The following DNAH17 variants were observed in gnomAD, a reference collection of about 807,000 sequenced individuals.
The protein encoded by DNAH17 is axonemal beta dynein heavy chain 17.
Under a neutral mutation model 485.6 loss-of-function variants are expected in DNAH17, and 376 were observed. The ratio of observed to expected loss-of-function variants is 0.77; its 90% CI spans 0.71 to 0.84. The LOEUF (loss-of-function observed/expected upper bound fraction) is 0.84. DNAH17 is among the 40% of genes least tolerant of loss of function. The pLI, the probability that DNAH17 is intolerant of heterozygous loss-of-function variation, is 0.00. For missense variants in DNAH17, 6,370 were observed against 5,839.3 expected (o/e 1.09, Z -2.96); for synonymous variants, 3,031 against 2,405.9 (o/e 1.26, Z -7.60).
chr17:78,458,803 G>T, intron 61 of DNAH17, 123 bp from the exon 62 acceptor site: 1 of 1,063,588 alleles, frequency 9.4e-7, no homozygotes, highest in Non-Finnish European at 1.4e-6. Flanking sequence ...AAGGCTGAGA[G>T]CCCTCTGGAG....
intron 62 of DNAH17, among the ~76,000 whole-genome samples, chr17:78,457,235 G>T (rs1454409116): frequency 6.6e-6 from 1 of 152,170 alleles, no homozygotes; most frequent in African/African-American, 2.4e-5. Context: ...GCCGGGTGTG[G>T]TGGCACGCAT....
In DNAH17 at chr17:78,479,594, C is replaced by T. The variant is rs764629326; in HGVS notation, c.7791G>A (p.Gln2597=). The change falls in exon 50 of 81, where the codon CAG becomes CAA. Residue 2597 remains glutamine (Q), a synonymous_variant. Transcript: ENST00000389840. The stretch of plus-strand genomic sequence containing the variant: ...TGTTGTAGATGGTGGTGAGGGCCTC[C>T]TGGCCGGGGAAGCTCACAGCAAACA... ...FCVFAVSFPG[Q]EALTTIYNTI... The T allele has an allele frequency of 1.9e-6, 3 of 1,613,484 alleles. No individual in the cohort carries two copies. Among genetic ancestry groups the T allele is most frequent in the Non-Finnish European group, 2.5e-6 (3 of 1,179,828 alleles).
In DNAH17 at chr17:78,529,529, G is replaced by T. The variant is rs760528268; in HGVS notation, c.3450C>A (p.Ile1150=). The T allele has an allele frequency of 1.2e-6, 2 of 1,613,914 alleles. No individual in the cohort carries two copies. Among genetic ancestry groups the T allele is most frequent in the Non-Finnish European group, 1.7e-6 (2 of 1,179,866 alleles). ...CCTCCCCGTAGGTCTTGAGCAGCTC[G>T]ATGGTTTGCTTCAGGGGCTCAAACA... is the stretch of plus-strand genomic sequence containing the variant. ...DNMFEPLKQT[I]ELLKTYGEEM... Residue 1150 remains isoleucine, a synonymous_variant, in exon 22 of 81, where the codon ATC becomes ATA. Coordinates refer to ENST00000389840, the MANE Select transcript of DNAH17 (RefSeq NM_173628.4).
In DNAH17 at chr17:78,439,235, A is replaced by G. The variant is rs1332523487; in HGVS notation, c.11678-18T>C. The G allele has an allele frequency of 1.9e-6, 3 of 1,595,992 alleles. No individual in the cohort carries two copies. In the East Asian group the frequency reaches 6.7e-5, roughly 36 times the overall value. On this transcript the variant is annotated intron_variant, in intron 72 of 80. Transcript: ENST00000389840. ...TTTTTTTCCTAAAGAAAAGAAAAACAGGAAAAAAACACCACGTAATTAAAT... is the reference window on the plus strand; with the variant it reads ...TTTTTTTCCTAAAGAAAAGAAAAACGGGAAAAAAACACCACGTAATTAAAT...
rs1235855844 is a variant in DNAH17 at position 78,571,400 on chromosome 17, C to T, written c.733-22G>A. The T allele has an allele frequency of 2.5e-6, 4 of 1,590,452 alleles. No homozygotes were observed. The South Asian group carries it at 3.3e-5, about 13-fold the overall frequency. The stretch of plus-strand genomic sequence containing the variant: ...TTAGCTGAGAAGGGGAGTGAAGATC[C>T]ACCTTTCATTGACCTGGAAGACCCT... On this transcript the variant is annotated intron_variant, in intron 4 of 80. Coordinates refer to ENST00000389840, the MANE Select transcript of DNAH17 (RefSeq NM_173628.4).
intron 25 of DNAH17, among the ~76,000 whole-genome samples, chr17:78,524,648 T>C (rs1356911418): frequency 6.6e-6 from 1 of 152,072 alleles, no homozygotes; most frequent in Non-Finnish European, 1.5e-5. Context: ...GTTTATGGGA[T>C]TTTGTTAGAG....
chr17:78,432,943 A>G (rs2086733505), intron 75 of DNAH17, among the ~76,000 whole-genome samples: 1 of 102,124 alleles, frequency 9.8e-6, no homozygotes, highest in Non-Finnish European at 1.8e-5. Context: ...GTTTCTCACC[A>G]TGTCACATCC....
rs372817791 is a variant in DNAH17, at chr17:78,480,751, T to C, written c.7685A>G (p.His2562Arg). 3.7e-6 allele frequency: 6 copies of C among 1,613,618 alleles called. No homozygotes were observed. Among genetic ancestry groups the C allele is most frequent in the African/African-American group, 2.7e-5 (2 of 74,888 alleles). ...CATGCAGGCCACGTACTGACAATTA[T>C]GGATATCTTTTAACGTCAGCTTATG... is the stretch of plus-strand genomic sequence containing the variant. ...DRHKLTLKDI[H>R]NCQYVACMNP... is the part of the protein sequence containing the mutation. The change falls in exon 49 of 81, where the codon CAT becomes CGT. Residue 2562 changes from histidine (H) to arginine (R), a missense_variant. Transcript: ENST00000389840.
chr17:78,548,202 C>CTTTTTTTTTTTTTTTTTTT lies in DNAH17; in HGVS notation c.2391+3314_2391+3332dup, dbSNP rs34701814. Among the ~76,000 whole-genome samples, 11 of 80,120 alleles carry CTTTTTTTTTTTTTTTTTTT rather than the reference C, an allele frequency of 1.4e-4. 2 individuals carry two copies. Among genetic ancestry groups the CTTTTTTTTTTTTTTTTTTT allele is most frequent in the African/African-American group, 5.3e-4 (10 of 18,720 alleles). The allele number at this position is 80,120 out of a possible 152,430, so 52.6% of individuals were successfully genotyped here. ...GTTGTTATTTCGTAGATGTCATGGC[C>CTTTTTTTTTTTTTTTTTTT]TTTTTTTTTTTTTTTTTTTGGAGAC... is the stretch of plus-strand genomic sequence containing the variant. On this transcript the variant is annotated intron_variant, in intron 16 of 80. Transcript: ENST00000389840.
chr17:78,424,440 T>G (rs540935348), intron 80 of DNAH17: 2 of 386,948 alleles, frequency 5.2e-6, no homozygotes, highest in African/African-American at 4.0e-5. Flanking sequence ...AGCCTTAATG[T>G]CAGTGGCAGG....
At position 78,453,480 on chromosome 17, in the gene DNAH17, C is replaced by G. The variant is rs374456851; in HGVS notation, c.10407-15G>C. On this transcript the variant is annotated splice_polypyrimidine_tract_variant and intron_variant, in intron 64 of 80. Coordinates refer to ENST00000389840, the MANE Select transcript of DNAH17 (RefSeq NM_173628.4). ...CATCCAGGTAGCTGCGGGCACAACA[C>G]GGAAGCTGGTTCATGGCAGAGGGCC... The G allele has an allele frequency of 3.1e-6, 5 of 1,613,418 alleles. No individual in the cohort carries two copies. The highest frequency in any genetic ancestry group is 2.7e-5 in the African/African-American group (2 of 74,930).
intron 75 of DNAH17, 134 bp from the exon 76 acceptor site, chr17:78,429,434 C>G: frequency 1.0e-6 from 1 of 991,658 alleles, no homozygotes; most frequent in Non-Finnish European, 1.5e-6. Context: ...CCAGGTCAGC[C>G]TCCTGGCCAT....
At chr17:78,558,053 A>G (rs2092065505) in intron 14 of DNAH17, 55 bp downstream of exon 14, 1 of 1,549,464 alleles carries the variant, frequency 6.5e-7, no homozygotes. Context: ...AAACTTGACA[A>G]AAAACCAAAA....
At chr17:78,519,421 AG>A (rs774612445) in intron 25 of DNAH17, among the ~76,000 whole-genome samples, 78 of 152,356 alleles carry the variant, frequency 5.1e-4, no homozygotes, top group Non-Finnish European at 1.0e-3. Flanking sequence ...ATAAACCCAA[AG>A]CAAAGGAAGG....
intron 58 of DNAH17, among the ~76,000 whole-genome samples, chr17:78,460,880 C>T (rs902922513): frequency 6.6e-6 from 1 of 152,142 alleles, no homozygotes; most frequent in Non-Finnish European, 1.5e-5. Context: ...CATGTACATA[C>T]TCATTCATTC....
rs80055887 is a variant in DNAH17, at chr17:78,539,049, G to T, written c.2676+688C>A. On this transcript the variant is annotated intron_variant, in intron 18 of 80. Coordinates refer to ENST00000389840, the MANE Select transcript of DNAH17 (RefSeq NM_173628.4). ...AATTCAAGACCAGCCTGGCTAAGAT[G>T]GTGAACCCTTGCCTCTACTAAAAAT... 1.4e-3 allele frequency among the ~76,000 whole-genome samples: 207 copies of T among 152,206 alleles called. 1 individual carries two copies. Among genetic ancestry groups the T allele is most frequent in the African/African-American group, 4.8e-3 (201 of 41,552 alleles).
At chr17:78,525,958 C>G (rs4969214) in intron 24 of DNAH17, among the ~76,000 whole-genome samples, 20,035 of 152,226 alleles carry the variant, frequency 0.13, 1,721 homozygotes, top group Middle Eastern at 0.22. Context: ...TTTGCTAGAG[C>G]CTGTGAGGCG....
At chr17:78,561,581 T>C in intron 12 of DNAH17, 134 bp downstream of exon 12, 1 of 1,146,300 alleles carries the variant, frequency 8.7e-7, no homozygotes, top group Non-Finnish European at 1.2e-6. Context: ...AAGGGGTCTC[T>C]TCTGGGCTTT....
chr17:78,572,668 C>T (rs2092377012), intron 3 of DNAH17, 33 bp downstream of exon 3: 26 of 1,554,106 alleles, frequency 1.7e-5, no homozygotes, highest in Non-Finnish European at 2.1e-5. Flanking sequence ...CTTCCCCACC[C>T]AGCGGCAGCC....
Sources: gnomAD v4.1 joint callset for allele counts (sites outside exome capture counted in the v4.1 genomes callset) on GRCh38, gnomAD v4.1.1 for gene constraint, MANE v1.5 for transcripts, NCBI Gene and HGNC (gene_info 2026-07-23, HGNC 2026-07-21) for gene names.